ZC3H12B: variants seen among roughly 807,000 people sequenced by gnomAD.
ZC3H12B encodes the protein probable ribonuclease ZC3H12B.
A neutral mutation model predicts 43.9 loss-of-function variants in ZC3H12B; 7 were observed. That is an observed-to-expected ratio of 0.16 (90% CI 0.09 to 0.30). ZC3H12B has a LOEUF of 0.30. Among genes scored for constraint, ZC3H12B ranks in the 10% least tolerant of loss-of-function variants. The pLI is 1.00. For synonymous variants in ZC3H12B, 222 were observed against 241.7 expected (o/e 0.92, Z 0.76); for missense variants, 475 against 670.2 (o/e 0.71, Z 3.22).
the ZC3H12B span, among the ~76,000 whole-genome samples, chrX:65,289,238 A>G: frequency 9.0e-6 from 1 of 111,268 alleles, no homozygotes; most frequent in South Asian, 3.7e-4. Flanking sequence ...TAGAAAAAAG[A>G]AAATTTAAAA....
the ZC3H12B span, among the ~76,000 whole-genome samples, chrX:65,251,733 G>C: frequency 5.4e-5 from 6 of 110,174 alleles, no homozygotes; most frequent in African/African-American, 2.0e-4. Context: ...TGATTTGGCT[G>C]TTTGTCTGTT....
chrX:65,130,322 G>A, the ZC3H12B span, among the ~76,000 whole-genome samples: 1 of 111,080 alleles, frequency 9.0e-6, no homozygotes, highest in South Asian at 3.8e-4. Flanking sequence ...AGGTGGGAAG[G>A]CCAAACCTAG....
In ZC3H12B at chrX:65,395,971, G is replaced by T. The variant is rs1025198476; in HGVS notation, n.296-2622G>T. ...TTCTTCTAGGTTTCCTAGTTTATTT[G>T]TGTAGAGGTGTTTATAATATTCTCT... On this transcript the variant is annotated intron_variant and non_coding_transcript_variant, in intron 2 of 5. Transcript: ENST00000617377. Among the ~76,000 whole-genome samples the T allele has an allele frequency of 5.4e-5, 6 of 111,794 alleles. No individual in the cohort carries two copies. In the Admixed American group the frequency reaches 5.7e-4, roughly 11 times the overall value.
chrX:65,248,049 A>T, the ZC3H12B span, among the ~76,000 whole-genome samples: 3 of 100,693 alleles, frequency 3.0e-5, no homozygotes, highest in African/African-American at 4.8e-5. Context: ...CCACGAAAAA[A>T]ATTTTTTTTT....
chrX:65,326,116 C>T, the ZC3H12B span, among the ~76,000 whole-genome samples: 1 of 111,259 alleles, frequency 9.0e-6, no homozygotes, highest in African/African-American at 3.3e-5. Flanking sequence ...GCATAGGGGC[C>T]TGAGCAATGT....
intron 3 of ZC3H12B, among the ~76,000 whole-genome samples, chrX:65,446,892 G>T (rs1489291256): frequency 8.9e-6 from 1 of 111,973 alleles, no homozygotes; most frequent in African/African-American, 3.3e-5. Context: ...GTGTTGCTGT[G>T]TTGTGGAGAC....
the ZC3H12B span, among the ~76,000 whole-genome samples, chrX:65,060,759 A>T: frequency 1.2e-4 from 14 of 112,449 alleles, no homozygotes; most frequent in South Asian, 2.6e-3. Flanking sequence ...GCCAACAAAC[A>T]TATGAAGAAA....
chrX:65,066,543 C>G, the ZC3H12B span, among the ~76,000 whole-genome samples: 1 of 111,341 alleles, frequency 9.0e-6, no homozygotes, highest in African/African-American at 3.3e-5. Context: ...CCACCAGGTA[C>G]TAACCTGAGC....
At chrX:65,446,299 C>T (rs1276214553) in intron 3 of ZC3H12B, among the ~76,000 whole-genome samples, 1 of 111,716 alleles carries the variant, frequency 9.0e-6, no homozygotes, top group Non-Finnish European at 1.9e-5. Flanking sequence ...GCAAGCTGAA[C>T]TGCCTGGGGT....
upstream of ZC3H12B, among the ~76,000 whole-genome samples, chrX:65,488,369 T>A (rs1485906286): frequency 3.1e-5 from 3 of 96,062 alleles, no homozygotes; most frequent in African/African-American, 7.7e-5. Flanking sequence ...TAACTTTAGC[T>A]GTTATTTTGT....
chrX:65,236,475 A>C, the ZC3H12B span, among the ~76,000 whole-genome samples: 1 of 111,258 alleles, frequency 9.0e-6, no homozygotes, highest in African/African-American at 3.3e-5. Context: ...AGATAGCAAA[A>C]ATTTTCTCTT....
intron 3 of ZC3H12B, among the ~76,000 whole-genome samples, chrX:65,461,923 A>G (rs181930275): frequency 1.8e-5 from 2 of 110,779 alleles, no homozygotes; most frequent in African/African-American, 6.5e-5. Context: ...CTCAGAAATA[A>G]CCACTAAAAA....
At chrX:65,052,140 C>A in the ZC3H12B span, among the ~76,000 whole-genome samples, 2 of 111,015 alleles carry the variant, frequency 1.8e-5, no homozygotes. Flanking sequence ...TAGCAAAGTT[C>A]ATGGCCCCAC....
chrX:65,225,548 A>G, the ZC3H12B span, among the ~76,000 whole-genome samples: 47 of 112,679 alleles, frequency 4.2e-4, no homozygotes, highest in Non-Finnish European at 8.2e-4. Flanking sequence ...GAGTTGAGAG[A>G]AGAAGGCTTC....
At chrX:65,356,005 G>A in the ZC3H12B span, among the ~76,000 whole-genome samples, 60 of 111,750 alleles carry the variant, frequency 5.4e-4, no homozygotes, top group Non-Finnish European at 8.8e-4. Context: ...CTTTCAAAAA[G>A]CACACTAACC....
the ZC3H12B span, among the ~76,000 whole-genome samples, chrX:65,103,750 A>G: frequency 1.8e-5 from 2 of 110,734 alleles, no homozygotes; most frequent in African/African-American, 3.3e-5. Flanking sequence ...ACTTCCCGCA[A>G]CACTCAACGA....
the ZC3H12B span, among the ~76,000 whole-genome samples, chrX:65,178,652 A>G: frequency 1.8e-5 from 2 of 112,777 alleles, no homozygotes; most frequent in African/African-American, 6.4e-5. Context: ...CAAGAAACAT[A>G]TGAAGAAAAG....
At chrX:65,105,436 A>C in the ZC3H12B span, among the ~76,000 whole-genome samples, 13 of 111,422 alleles carry the variant, frequency 1.2e-4, no homozygotes, top group Non-Finnish European at 2.5e-4. Context: ...AAAAGAATAC[A>C]GGAATAGCGG....
intron 3 of ZC3H12B, among the ~76,000 whole-genome samples, chrX:65,413,912 C>A (rs1012762921): frequency 7.1e-5 from 8 of 111,939 alleles, no homozygotes; most frequent in Admixed American, 5.7e-4. Flanking sequence ...ATTAATTCTT[C>A]CATTTTATGA....
Sources: allele counts gnomAD v4.1 joint callset (sites outside exome capture counted in the v4.1 genomes callset), GRCh38; gene constraint gnomAD v4.1.1; transcripts MANE v1.5; gene names NCBI Gene and HGNC (gene_info 2026-07-23, HGNC 2026-07-21).